RBFOX1: variants seen among roughly 807,000 people sequenced by gnomAD.
The protein encoded by RBFOX1 is RNA binding fox-1 homolog 1.
Under a neutral mutation model 57.7 loss-of-function variants are expected in RBFOX1, and 8 were observed. The observed-to-expected ratio is 0.14, with a 90% CI of 0.08 to 0.25. The LOEUF is 0.25. Ranked by LOEUF, RBFOX1 falls within the 10% of genes least tolerant of loss-of-function variation. The pLI is 1.00. For missense variants in RBFOX1, 611 were observed against 548.5 expected (o/e 1.11, Z -1.14); for synonymous variants, 326 against 222.4 (o/e 1.47, Z -4.15).
chr16:7,108,534 G>A (rs117855414), intron 4 of RBFOX1, among the ~76,000 whole-genome samples: 1 of 152,232 alleles, frequency 6.6e-6, no homozygotes, highest in East Asian at 1.9e-4. Context: ...AGTATATGGT[G>A]GTGCAGAAGG....
At chr16:6,177,320 A>T (rs2097019925) in intron 1 of RBFOX1, among the ~76,000 whole-genome samples, 1 of 151,368 alleles carries the variant, frequency 6.6e-6, no homozygotes, top group South Asian at 2.1e-4. Flanking sequence ...TTTGCCCTCC[A>T]CCCAATTTCC....
At chr16:6,824,563 T>C (rs1017939595) in intron 3 of RBFOX1, among the ~76,000 whole-genome samples, 7 of 152,224 alleles carry the variant, frequency 4.6e-5, no homozygotes, top group African/African-American at 7.2e-5. Context: ...ATAATAATCA[T>C]AATAAATACT....
At chr16:7,459,676 T>C (rs2059190251) in intron 4 of RBFOX1, among the ~76,000 whole-genome samples, 2 of 152,212 alleles carry the variant, frequency 1.3e-5, no homozygotes, top group African/African-American at 4.8e-5. Context: ...TACCTAGAAA[T>C]TGCACCATTT....
At chr16:6,046,049 T>C (rs996471771) in intron 1 of RBFOX1, among the ~76,000 whole-genome samples, 6 of 152,216 alleles carry the variant, frequency 3.9e-5, no homozygotes, top group Non-Finnish European at 5.9e-5. Context: ...TGAGTGCTTT[T>C]CTAAGCACCA....
chr16:5,917,732 C>T (rs924710434), intron 4 of RBFOX1, among the ~76,000 whole-genome samples: 1 of 152,208 alleles, frequency 6.6e-6, no homozygotes, highest in Non-Finnish European at 1.5e-5. Flanking sequence ...TCCCTTGCTT[C>T]ACCACGTGAT....
intron 2 of RBFOX1, among the ~76,000 whole-genome samples, chr16:6,555,045 C>T (rs2097072011): frequency 6.8e-6 from 1 of 147,196 alleles, no homozygotes. Context: ...TGGGGAGAGG[C>T]CCAGAATATT....
chr16:7,105,053 T>C (rs924101719), intron 4 of RBFOX1, among the ~76,000 whole-genome samples: 44 of 152,164 alleles, frequency 2.9e-4, no homozygotes, highest in Admixed American at 2.0e-4. Flanking sequence ...GATCTCCACT[T>C]ACATTCTTCT....
chr16:6,777,759 G>A (rs1449812173), intron 3 of RBFOX1, among the ~76,000 whole-genome samples: 1 of 152,138 alleles, frequency 6.6e-6, no homozygotes, highest in Non-Finnish European at 1.5e-5. Context: ...TAATCAGGAA[G>A]TTGAATATGA....
At chr16:5,363,763 G>GT (rs2151347041) in intron 1 of RBFOX1, among the ~76,000 whole-genome samples, 1 of 151,700 alleles carries the variant, frequency 6.6e-6, no homozygotes, top group Non-Finnish European at 1.5e-5. Flanking sequence ...CTTATTCACT[G>GT]TTGTATTACC....
Position 7,573,834 on chromosome 16 carries a change from C to CAAA in RBFOX1, c.271-5934_271-5932dup, listed in dbSNP as rs3842359. ...TGGGCAACAGAACAAGACTCTGTCT[C>CAAA]AAAAAAAAAAAGAGGTCAAATAAAT... On this transcript the variant is annotated intron_variant, in intron 5 of 15. Transcript: ENST00000550418. 3.5e-3 allele frequency among the ~76,000 whole-genome samples: 510 copies of CAAA among 145,150 alleles called. 10 individuals carry two copies. Among genetic ancestry groups the CAAA allele is most frequent in the South Asian group, 1.3e-3 (6 of 4,624 alleles).
At chr16:6,899,799 C>A (rs890633000) in intron 3 of RBFOX1, among the ~76,000 whole-genome samples, 5 of 152,160 alleles carry the variant, frequency 3.3e-5, no homozygotes, top group African/African-American at 1.2e-4. Flanking sequence ...AGTATGGACA[C>A]CTTTTCATTG....
intron 4 of RBFOX1, among the ~76,000 whole-genome samples, chr16:7,455,147 A>T (rs893708091): frequency 1.3e-5 from 2 of 152,218 alleles, no homozygotes; most frequent in Non-Finnish European, 2.9e-5. Context: ...AATGAATATT[A>T]TTAGAAGCAG....
chr16:6,911,319 C>A (rs541076025), intron 3 of RBFOX1, among the ~76,000 whole-genome samples: 2 of 151,978 alleles, frequency 1.3e-5, no homozygotes, highest in Admixed American at 6.6e-5. Flanking sequence ...AATGTTTTGC[C>A]TTACACTTGT....
At chr16:7,160,082 A>T (rs72765541) in intron 4 of RBFOX1, among the ~76,000 whole-genome samples, 1 of 152,098 alleles carries the variant, frequency 6.6e-6, no homozygotes, top group Non-Finnish European at 1.5e-5. Context: ...GACTCATAAC[A>T]GTATTAGAAC....
intron 1 of RBFOX1, among the ~76,000 whole-genome samples, chr16:6,134,491 A>G (rs147149980): frequency 1.1e-3 from 172 of 152,202 alleles, no homozygotes; most frequent in African/African-American, 4.0e-3. Context: ...ATGCATAGTA[A>G]ATCTGCCTGA....
chr16:5,503,044 A>T (rs997126442), intron 2 of RBFOX1, among the ~76,000 whole-genome samples: 2 of 152,230 alleles, frequency 1.3e-5, no homozygotes, highest in South Asian at 2.1e-4. Context: ...CAGATGCCCC[A>T]TGCAAGTGTG....
chr16:5,755,859 A>C lies in RBFOX1; in HGVS notation c.319-111444A>C, dbSNP rs1223363836. 2.0e-5 allele frequency among the ~76,000 whole-genome samples: 3 copies of C among 152,126 alleles called. No homozygotes were observed. The South Asian group carries it at 6.2e-4, about 32-fold the overall frequency. ...GTGATCCGCCTGCCTCGGCCTCCCA[A>C]AGTGCTGGAATTACAGGCGTGAGCT... On this transcript the variant is annotated intron_variant, in intron 3 of 19. Coordinates refer to the RBFOX1 transcript ENST00000641259.
chr16:7,540,106 T>C (rs1006798377), intron 5 of RBFOX1, among the ~76,000 whole-genome samples: 4 of 152,224 alleles, frequency 2.6e-5, no homozygotes, highest in African/African-American at 9.6e-5. Flanking sequence ...TGTGCCTCAT[T>C]GGTGGTGGGA....
intron 1 of RBFOX1, among the ~76,000 whole-genome samples, chr16:5,249,058 C>T (rs1352196168): frequency 6.6e-6 from 1 of 150,940 alleles, no homozygotes; most frequent in Non-Finnish European, 1.5e-5. Context: ...GGGGCAGCAG[C>T]CAGGACCTTA....
Sources: allele counts gnomAD v4.1 joint callset (sites outside exome capture counted in the v4.1 genomes callset), GRCh38; gene constraint gnomAD v4.1.1; transcripts MANE v1.5; gene names NCBI Gene and HGNC (gene_info 2026-07-23, HGNC 2026-07-21).